Variants in XKR9 observed in about 807,000 individuals in gnomAD.
XKR9 encodes the protein XK-related protein 9.
Under a neutral mutation model 32.0 loss-of-function variants are expected in XKR9, and 32 were observed. The observed-to-expected ratio is 1.00, with a 90% CI of 0.76 to 1.34. The LOEUF (loss-of-function observed/expected upper bound fraction) is 1.34, where lower values mean the gene tolerates loss of function less well. XKR9 is among the 40% of genes most tolerant of loss of function. The pLI is 0.00. For missense variants in XKR9, 546 were observed against 429.7 expected (o/e 1.27, Z -2.39); for synonymous variants, 168 against 143.4 (o/e 1.17, Z -1.22).
the XKR9 span, among the ~76,000 whole-genome samples, chr8:71,020,902 G>A: frequency 6.6e-6 from 1 of 152,136 alleles, no homozygotes; most frequent in African/African-American, 2.4e-5. Flanking sequence ...TCTGTTTAGT[G>A]TTGCTATAAA....
the XKR9 span, among the ~76,000 whole-genome samples, chr8:71,013,252 G>A: frequency 1.3e-5 from 2 of 152,148 alleles, no homozygotes; most frequent in Admixed American, 1.3e-4. Flanking sequence ...AAGGGTAGGG[G>A]CCATTGTGGG....
intron 1 of XKR9, among the ~76,000 whole-genome samples, chr8:70,672,751 C>T (rs1276949071): frequency 6.6e-6 from 1 of 152,062 alleles, no homozygotes; most frequent in African/African-American, 2.4e-5. Context: ...TTAATAACAG[C>T]TATTCTAACT....
chr8:70,970,765 C>T, the XKR9 span, among the ~76,000 whole-genome samples: 26 of 152,156 alleles, frequency 1.7e-4, no homozygotes, highest in African/African-American at 5.5e-4. Flanking sequence ...GAATAGTTAA[C>T]GCCAGTTAGA....
chr8:70,853,699 C>T, the XKR9 span, among the ~76,000 whole-genome samples: 2 of 152,008 alleles, frequency 1.3e-5, no homozygotes, highest in Admixed American at 6.5e-5. Context: ...CACAACAGGC[C>T]CTGGTGTGTG....
At chr8:71,004,336 C>T in the XKR9 span, among the ~76,000 whole-genome samples, 15 of 152,190 alleles carry the variant, frequency 9.9e-5, no homozygotes, top group South Asian at 2.7e-3. Flanking sequence ...CTATTAGCAG[C>T]TTATTTGCCC....
chr8:70,736,871 C>G (rs550923358), downstream of XKR9, among the ~76,000 whole-genome samples: 1,683 of 151,638 alleles, frequency 0.011, 5 homozygotes, highest in African/African-American at 0.037. Flanking sequence ...GTTACTGTAG[C>G]CTTGTAGTAT....
At chr8:71,008,481 T>C in the XKR9 span, among the ~76,000 whole-genome samples, 7,804 of 152,296 alleles carry the variant, frequency 0.051, 828 homozygotes, top group East Asian at 0.27. Context: ...ATGCTGTGGC[T>C]GGCCCCCAGA....
chr8:70,964,914 T>A, the XKR9 span, among the ~76,000 whole-genome samples: 1 of 152,196 alleles, frequency 6.6e-6, no homozygotes, highest in Non-Finnish European at 1.5e-5. Context: ...TTTCACTTCC[T>A]CTCTTCCTAT....
chr8:70,741,454 G>A (rs1031405370), intron 2 of XKR9, among the ~76,000 whole-genome samples: 13 of 152,158 alleles, frequency 8.5e-5, no homozygotes, highest in Admixed American at 2.0e-4. Context: ...GGTATTCAGC[G>A]GAAAACAGAC....
the XKR9 span, among the ~76,000 whole-genome samples, chr8:70,923,515 G>A: frequency 6.6e-6 from 1 of 152,228 alleles, no homozygotes; most frequent in African/African-American, 2.4e-5. Context: ...TCAGATCCTT[G>A]TACTTGCATG....
At chr8:70,868,269 T>C in the XKR9 span, among the ~76,000 whole-genome samples, 1 of 152,148 alleles carries the variant, frequency 6.6e-6, no homozygotes, top group African/African-American at 2.4e-5. Flanking sequence ...TGGGACTCTG[T>C]GTGGGGGCTC....
At chr8:70,845,384 C>T in the XKR9 span, among the ~76,000 whole-genome samples, 2 of 152,074 alleles carry the variant, frequency 1.3e-5, no homozygotes, top group African/African-American at 4.8e-5. Flanking sequence ...CATGGAAAAG[C>T]CGAGGAAATA....
the XKR9 span, among the ~76,000 whole-genome samples, chr8:71,016,801 C>T: frequency 6.6e-6 from 1 of 151,628 alleles, no homozygotes; most frequent in African/African-American, 2.4e-5. Context: ...GGTTGAAGTA[C>T]ATATCTATTA....
At chr8:70,792,796 T>C (rs1383902671), downstream of XKR9, among the ~76,000 whole-genome samples, 7 of 152,086 alleles carry the variant, frequency 4.6e-5, no homozygotes, top group African/African-American at 1.7e-4. Flanking sequence ...TTTGTCTCCT[T>C]ATAAAAGACA....
chr8:70,754,779 C>G (rs953036295), intron 2 of XKR9, among the ~76,000 whole-genome samples: 1 of 151,866 alleles, frequency 6.6e-6, no homozygotes, highest in Non-Finnish European at 1.5e-5. Flanking sequence ...GGATTAAAGA[C>G]TTACATGTTA....
the XKR9 span, among the ~76,000 whole-genome samples, chr8:71,007,985 C>A: frequency 4.6e-5 from 7 of 151,122 alleles, no homozygotes; most frequent in African/African-American, 1.2e-4. Flanking sequence ...GTAAGAAAGA[C>A]AAATAAAGCA....
chr8:70,851,063 T>G, the XKR9 span, among the ~76,000 whole-genome samples: 2 of 152,202 alleles, frequency 1.3e-5, no homozygotes. Flanking sequence ...CTTGTTAAGC[T>G]GATAAGCAAC....
the XKR9 span, among the ~76,000 whole-genome samples, chr8:70,960,863 C>A: frequency 1.4e-5 from 2 of 144,830 alleles, no homozygotes; most frequent in Non-Finnish European, 1.5e-5. Flanking sequence ...CAAAGTGAGA[C>A]CCTGTCTTAA....
the XKR9 span, among the ~76,000 whole-genome samples, chr8:70,959,518 A>G: frequency 6.6e-6 from 1 of 152,222 alleles, no homozygotes; most frequent in African/African-American, 2.4e-5. Context: ...ATTATGCTTC[A>G]GCGAATATCC....
Sources: allele counts gnomAD v4.1 joint callset (sites outside exome capture counted in the v4.1 genomes callset), GRCh38; gene constraint gnomAD v4.1.1; transcripts MANE v1.5; gene names NCBI Gene and HGNC (gene_info 2026-07-23, HGNC 2026-07-21).